Variants in TBC1D5 observed in about 807,000 individuals in gnomAD.
TBC1D5 encodes the protein TBC1 domain family, member 5.
Under a neutral mutation model 100.3 loss-of-function variants are expected in TBC1D5, and 75 were observed. That is an observed-to-expected ratio of 0.75 (90% confidence interval 0.62 to 0.91). The LOEUF (loss-of-function observed/expected upper bound fraction) is 0.91. Among genes scored for constraint, TBC1D5 ranks in the 40% least tolerant of loss-of-function variants. The pLI, the probability that TBC1D5 is intolerant of heterozygous loss-of-function variation, is 0.00. For missense variants in TBC1D5, 910 were observed against 942.4 expected (o/e 0.97, Z 0.45); for synonymous variants, 323 against 325.6 (o/e 0.99, Z 0.09).
At chr3:17,456,820 A>G (rs896742385) in intron 3 of TBC1D5, among the ~76,000 whole-genome samples, 2 of 152,258 alleles carry the variant, frequency 1.3e-5, no homozygotes, top group African/African-American at 4.8e-5. Context: ...AATAAAAAGG[A>G]ACAAAGTACG....
Position 17,383,940 on chromosome 3 carries a change from TC to T in TBC1D5, c.584del (p.Arg195LysfsTer16). 1 of 1,600,450 alleles carries T rather than the reference TC, an allele frequency of 6.2e-7. No homozygotes were observed. Among genetic ancestry groups the T allele is most frequent in the Non-Finnish European group, 8.5e-7 (1 of 1,170,160 alleles). On this transcript the variant is annotated frameshift_variant, in exon 9 of 22. Coordinates refer to ENST00000253692, the Ensembl canonical transcript of TBC1D5. LOFTEE classifies it high-confidence loss of function. ...GTTTATAAAGCAACTGCTCGTTTTC[TC>T]TGGCATAACAGAAAAGAACATCTGT...
intron 1 of TBC1D5, among the ~76,000 whole-genome samples, chr3:17,737,915 T>A (rs4908969): frequency 6.6e-6 from 1 of 152,048 alleles, no homozygotes; most frequent in African/African-American, 2.4e-5. Context: ...TTCCTGGAGT[T>A]AGCCACAGAA....
intron 13 of TBC1D5, among the ~76,000 whole-genome samples, chr3:17,351,223 T>C (rs1348365896): frequency 6.6e-6 from 1 of 152,148 alleles, no homozygotes; most frequent in Admixed American, 6.5e-5. Context: ...AGCAATCCCA[T>C]TACTGGGTAT....
At chr3:17,627,970 G>C (rs775173440) in intron 1 of TBC1D5, among the ~76,000 whole-genome samples, 15 of 151,794 alleles carry the variant, frequency 9.9e-5, no homozygotes, top group Non-Finnish European at 1.8e-4. Context: ...TCAGGTTTAG[G>C]TCAGTATCCA....
At chr3:17,362,483 CT>C (rs566034115) in intron 13 of TBC1D5, among the ~76,000 whole-genome samples, 99 of 146,586 alleles carry the variant, frequency 6.8e-4, no homozygotes, top group Admixed American at 7.5e-4. Flanking sequence ...CGTAGACTGA[CT>C]TTTTTTTTTT....
At chr3:17,723,788 C>T (rs1363738105) in intron 1 of TBC1D5, among the ~76,000 whole-genome samples, 2 of 151,984 alleles carry the variant, frequency 1.3e-5, no homozygotes, top group Non-Finnish European at 2.9e-5. Flanking sequence ...GTGGGGCTTG[C>T]AGTAAACAGT....
chr3:17,629,453 T>C (rs958321006), intron 1 of TBC1D5, among the ~76,000 whole-genome samples: 3 of 152,204 alleles, frequency 2.0e-5, no homozygotes, highest in Admixed American at 2.0e-4. Context: ...TTCTTTAGTA[T>C]AAAATAAAGT....
At chr3:17,591,935 C>T (rs939246453) in intron 2 of TBC1D5, among the ~76,000 whole-genome samples, 1 of 152,200 alleles carries the variant, frequency 6.6e-6, no homozygotes, top group Non-Finnish European at 1.5e-5. Flanking sequence ...TTGGCCTATG[C>T]AGAAGACAAA....
At chr3:17,525,274 C>A (rs2096119171) in intron 2 of TBC1D5, among the ~76,000 whole-genome samples, 1 of 152,046 alleles carries the variant, frequency 6.6e-6, no homozygotes, top group East Asian at 1.9e-4. Context: ...GGATTACAGG[C>A]ACCCGCCACC....
chr3:17,681,393 A>G (rs1213053352), intron 1 of TBC1D5, among the ~76,000 whole-genome samples: 1 of 151,646 alleles, frequency 6.6e-6, no homozygotes, highest in African/African-American at 2.4e-5. Flanking sequence ...AAAACTACAA[A>G]TTAAAATTGT....
chr3:17,157,628 A>T (rs2065700892), exon 22 of TBC1D5: 1 of 152,288 alleles, frequency 6.6e-6, no homozygotes, highest in South Asian at 2.1e-4. Context: ...TGGAGCCGCC[A>T]CAGAACGGCC....
chr3:17,225,861 A>T (rs1459114820), intron 17 of TBC1D5, among the ~76,000 whole-genome samples: 1 of 151,868 alleles, frequency 6.6e-6, no homozygotes, highest in African/African-American at 2.4e-5. Context: ...ACAACAACAA[A>T]CCCAGTATAA....
chr3:17,595,771 G>A (rs553783625), intron 2 of TBC1D5, among the ~76,000 whole-genome samples: 60 of 152,224 alleles, frequency 3.9e-4, no homozygotes, highest in Middle Eastern at 3.4e-3. Context: ...AAAGTAGGAC[G>A]GCATGTGTAG....
At chr3:17,292,286 G>A (rs770895265) in intron 14 of TBC1D5, among the ~76,000 whole-genome samples, 17 of 152,104 alleles carry the variant, frequency 1.1e-4, no homozygotes, top group Non-Finnish European at 2.1e-4. Context: ...TCTCAGAACC[G>A]TGCATATTTA....
At chr3:17,344,441 T>A (rs1158785964) in intron 13 of TBC1D5, among the ~76,000 whole-genome samples, 1 of 151,572 alleles carries the variant, frequency 6.6e-6, no homozygotes, top group Non-Finnish European at 1.5e-5. Flanking sequence ...GGAAGAACAT[T>A]CCATGCTCAT....
intron 2 of TBC1D5, among the ~76,000 whole-genome samples, chr3:17,571,115 TA>T (rs1292168694): frequency 2.0e-5 from 3 of 151,432 alleles, no homozygotes; most frequent in South Asian, 2.1e-4. Flanking sequence ...AAATAACACA[TA>T]AAAAAACAAA....
rs74710204 is a variant in TBC1D5, at chr3:17,295,686, T to A, written c.1139-3685A>T. ...ACATGCAATACTTTTTCAAATTATT[T>A]AAGTTCATATTGAGATATACTTTCT... On this transcript the variant is annotated intron_variant, in intron 14 of 21. Coordinates refer to ENST00000253692, the Ensembl canonical transcript of TBC1D5. Among the ~76,000 whole-genome samples, 464 of 152,352 alleles carry A rather than the reference T, an allele frequency of 3.0e-3. 2 individuals carry two copies. Among genetic ancestry groups the A allele is most frequent in the African/African-American group, 0.011 (454 of 41,594 alleles).
chr3:17,235,065 G>A (rs1455149786), intron 17 of TBC1D5, among the ~76,000 whole-genome samples: 2 of 152,156 alleles, frequency 1.3e-5, no homozygotes, highest in Middle Eastern at 3.4e-3. Context: ...TCAATTCTGT[G>A]CCTGCTACCT....
exon 21 of TBC1D5, chr3:17,166,901 G>A (rs768158634): frequency 1.1e-5 from 17 of 1,610,208 alleles, no homozygotes; most frequent in Admixed American, 3.4e-5. Flanking sequence ...TGGTTAAAAC[G>A]CAGGGAACCT....
Sources: allele counts gnomAD v4.1 joint callset (sites outside exome capture counted in the v4.1 genomes callset), GRCh38; gene constraint gnomAD v4.1.1; transcripts MANE v1.5; gene names NCBI Gene and HGNC (gene_info 2026-07-23, HGNC 2026-07-21).